ELP4: variants seen among roughly 807,000 people sequenced by gnomAD.
ELP4 encodes the protein elongator complex protein 4.
In ELP4, 51 loss-of-function variants were observed where a neutral mutation model predicts 48.9. The ratio of observed to expected loss-of-function variants is 1.04; its 90% confidence interval spans 0.83 to 1.32. ELP4 has a LOEUF of 1.32. Among genes scored for constraint, ELP4 ranks in the 40% most tolerant of loss-of-function variants. The pLI, the probability that ELP4 is intolerant of heterozygous loss-of-function variation, is 0.00. For missense variants in ELP4, 519 were observed against 514.6 expected (o/e 1.01, Z -0.08); for synonymous variants, 210 against 189.2 (o/e 1.11, Z -0.90).
chr11:31,566,781 T>A (rs1275049872), intron 3 of ELP4, among the ~76,000 whole-genome samples: 1 of 152,198 alleles, frequency 6.6e-6, no homozygotes, highest in East Asian at 1.9e-4. Flanking sequence ...TTCTATTCAC[T>A]TAAATTTTTT....
rs575905996 is a variant in ELP4, at chr11:31,780,199, C to T, written c.1144-3194C>T. On this transcript the variant is annotated intron_variant, in intron 9 of 9. Transcript: ENST00000640961. Reference sequence around the variant, plus strand: ...CAGCATTTTTTTTCAGAAGACAGATCTGGGATACAGCAGCATCTGAACATT... The same window carrying T: ...CAGCATTTTTTTTCAGAAGACAGATTTGGGATACAGCAGCATCTGAACATT... Among the ~76,000 whole-genome samples, 3 of 152,114 alleles carry T rather than the reference C, an allele frequency of 2.0e-5. No individual in the cohort carries two copies. In the South Asian group the frequency reaches 6.2e-4, roughly 32 times the overall value.
At chr11:31,551,018 A>G (rs994813449) in intron 3 of ELP4, among the ~76,000 whole-genome samples, 2 of 152,210 alleles carry the variant, frequency 1.3e-5, no homozygotes, top group African/African-American at 4.8e-5. Flanking sequence ...AATTTGTTGA[A>G]GAAATCCTTC....
intron 4 of ELP4, among the ~76,000 whole-genome samples, chr11:31,597,974 G>A (rs374183886): frequency 1.4e-4 from 2 of 14,330 alleles, no homozygotes; most frequent in South Asian, 2.4e-3. Flanking sequence ...TTTTTTTTTT[G>A]AGATGGAGTC....
intron 9 of ELP4, among the ~76,000 whole-genome samples, chr11:31,657,963 T>C (rs1423109611): frequency 6.6e-6 from 1 of 152,078 alleles, no homozygotes; most frequent in Non-Finnish European, 1.5e-5. Context: ...AACATTATTA[T>C]CTTCATTTTA....
chr11:31,739,749 G>C (rs769731357), intron 9 of ELP4, among the ~76,000 whole-genome samples: 1 of 152,212 alleles, frequency 6.6e-6, no homozygotes, highest in South Asian at 2.1e-4. Context: ...CTTAGGTTAT[G>C]TTTATTACAC....
chr11:31,549,854 G>C (rs1592107596), intron 3 of ELP4, among the ~76,000 whole-genome samples: 3 of 152,258 alleles, frequency 2.0e-5, no homozygotes, highest in South Asian at 2.1e-4. Flanking sequence ...GGATGAAATT[G>C]GAAATCATCA....
chr11:31,551,706 A>G (rs1189531220), intron 3 of ELP4, among the ~76,000 whole-genome samples: 4 of 152,170 alleles, frequency 2.6e-5, no homozygotes, highest in African/African-American at 9.6e-5. Context: ...TGTGTCTGTT[A>G]TACCTGAATA....
chr11:31,633,880 A>G (rs1371958131), intron 7 of ELP4: 1 of 152,032 alleles, frequency 6.6e-6, no homozygotes, highest in African/African-American at 2.4e-5. Flanking sequence ...TGTGAAACAG[A>G]TAGTTTTTAC....
intron 9 of ELP4, among the ~76,000 whole-genome samples, chr11:31,695,140 C>T (rs959465389): frequency 6.6e-6 from 1 of 152,078 alleles, no homozygotes; most frequent in African/African-American, 2.4e-5. Context: ...TGATTGAATA[C>T]CCTTTATTTC....
rs533705873 is a variant in ELP4, at chr11:31,655,799, A to G, written c.1143+5578A>G. On this transcript the variant is annotated intron_variant, in intron 9 of 9. Transcript: ENST00000640961. ...ATTAGGTAAGTTCCCAAAATATTTG[A>G]AGTATTTTTTAACTTCCTATATAAA... Among the ~76,000 whole-genome samples the G allele has an allele frequency of 1.4e-4, 21 of 152,136 alleles. No individual in the cohort carries two copies. In the East Asian group the frequency reaches 3.7e-3, roughly 27 times the overall value.
rs140986087 is a variant in ELP4, at chr11:31,575,775, G to A, written c.382-18995G>A. ...CGTTACCACCAGGCTTGCCTTACAGGAGCTCGTGAATGAAGCACTAAACAT... is the reference window on the plus strand; with the variant it reads ...CGTTACCACCAGGCTTGCCTTACAGAAGCTCGTGAATGAAGCACTAAACAT... On this transcript the variant is annotated intron_variant, in intron 3 of 9. Coordinates refer to ENST00000640961, the MANE Select transcript of ELP4 (RefSeq NM_019040.5). Among the ~76,000 whole-genome samples, 822 of 152,294 alleles carry A rather than the reference G, an allele frequency of 5.4e-3. 7 individuals are homozygous for A. The highest frequency in any genetic ancestry group is 0.019 in the African/African-American group (769 of 41,550).
chr11:31,786,237 A>G lies in ELP4; in HGVS notation c.*2713A>G, dbSNP rs917699221. 9 of 208,492 alleles carry G rather than the reference A, an allele frequency of 4.3e-5. No individual in the cohort carries two copies. The Admixed American group carries it at 4.7e-4, about 11-fold the overall frequency. The allele number at this position is 208,492 out of a possible 1,614,324, so 12.9% of individuals were successfully genotyped here. A position where few individuals can be genotyped will look rare whatever the true frequency, so the allele number is the denominator to read the frequency against. ...GTCCATCTTTTAACAAATCAGACAC[A>G]CATAGGCATACAAAAGGAGAGTGGG... On this transcript the variant is annotated 3_prime_UTR_variant, in exon 10 of 10. Coordinates refer to ENST00000640961, the MANE Select transcript of ELP4 (RefSeq NM_019040.5).
chr11:31,768,521 A>G (rs868534968), intron 9 of ELP4, among the ~76,000 whole-genome samples: 35 of 152,256 alleles, frequency 2.3e-4, no homozygotes, highest in African/African-American at 8.4e-4. Flanking sequence ...GACAAAAATA[A>G]TATTATAGTC....
rs376986080 is a variant in ELP4 at position 31,547,517 on chromosome 11, G to C, written c.381+7734G>C. 3.4e-3 allele frequency among the ~76,000 whole-genome samples: 522 copies of C among 152,110 alleles called. 1 individual carries two copies. The highest frequency in any genetic ancestry group is 6.4e-3 in the Non-Finnish European group (436 of 67,964). On this transcript the variant is annotated intron_variant, in intron 3 of 9. Transcript: ENST00000640961. ...CAATAGCTTACCAACCAAAAAGAGT[G>C]CAGGACCAGATGGATTCACAGCCGA...
chr11:31,579,607 A>G (rs1402719921), intron 3 of ELP4, among the ~76,000 whole-genome samples: 7 of 152,074 alleles, frequency 4.6e-5, no homozygotes, highest in Admixed American at 6.6e-5. Context: ...ATGCAGCCCT[A>G]AAAAAGGATG....
At chr11:31,562,594 T>C (rs1223152049) in intron 3 of ELP4, among the ~76,000 whole-genome samples, 1 of 152,190 alleles carries the variant, frequency 6.6e-6, no homozygotes, top group Non-Finnish European at 1.5e-5. Flanking sequence ...ATTAAAACAA[T>C]ATTTGTATAC....
intron 7 of ELP4, among the ~76,000 whole-genome samples, chr11:31,634,522 ATTAC>A (rs1258305088): frequency 2.0e-5 from 3 of 151,994 alleles, no homozygotes; most frequent in Non-Finnish European, 4.4e-5. Flanking sequence ...GAGCATCTTT[ATTAC>A]TTAAGGAAGA....
At position 31,632,485 on chromosome 11, in the gene ELP4, A is replaced by G. The variant is rs1006228248; in HGVS notation, c.927+80A>G. ...TGTGGTTTTAGTTTGCATTTCCATG[A>G]TAACTAATGATGTTGACCATCTTTT... On this transcript the variant is annotated intron_variant, in intron 7 of 9. Coordinates refer to ENST00000640961, the MANE Select transcript of ELP4 (RefSeq NM_019040.5). The G allele has an allele frequency of 1.4e-5, 16 of 1,125,462 alleles. 1 individual carries two copies. The South Asian group carries it at 3.1e-4, about 22-fold the overall frequency. 69.7% of individuals were successfully genotyped at this position (1,125,462 alleles called of 1,614,324 possible).
chr11:31,537,479 G>A (rs1956519873), intron 2 of ELP4, among the ~76,000 whole-genome samples: 1 of 152,106 alleles, frequency 6.6e-6, no homozygotes, highest in Non-Finnish European at 1.5e-5. Context: ...TGTTGTATTA[G>A]TCCCTTCTCG....
Sources: allele counts gnomAD v4.1 joint callset (sites outside exome capture counted in the v4.1 genomes callset), GRCh38; gene constraint gnomAD v4.1.1; transcripts MANE v1.5; gene names NCBI Gene and HGNC (gene_info 2026-07-23, HGNC 2026-07-21).